The following RARB variants were observed in gnomAD, a reference collection of about 807,000 sequenced individuals.
RARB encodes the protein HBV-activated protein.
RARB carries 17 observed loss-of-function variants against 51.9 expected under a neutral mutation model. That is an observed-to-expected ratio of 0.33 (90% CI 0.22 to 0.49). The LOEUF (loss-of-function observed/expected upper bound fraction) is 0.49. Among genes scored for constraint, RARB ranks in the 20% least tolerant of loss-of-function variants. The probability of loss-of-function intolerance (pLI) is 0.99; values close to 1 mark genes in which losing one functional copy is unlikely to be tolerated. For synonymous variants in RARB, 215 were observed against 195.4 expected, an observed-to-expected ratio of 1.10 and a Z score of -0.84; for missense variants, 369 against 550.8, an observed-to-expected ratio of 0.67 and a Z score of 3.30.
chr3:25,372,611 C>A (rs1166144784), intron 5 of RARB, among the ~76,000 whole-genome samples: 1 of 152,120 alleles, frequency 6.6e-6, no homozygotes. Context: ...AGCTTTAGCC[C>A]AGGAGTCTGA....
At chr3:25,103,760 T>C (rs1011322160) in intron 3 of RARB, among the ~76,000 whole-genome samples, 1 of 152,252 alleles carries the variant, frequency 6.6e-6, no homozygotes, top group African/African-American at 2.4e-5. Context: ...TTAAACAGTA[T>C]TATGAATGGG....
intron 4 of RARB, among the ~76,000 whole-genome samples, chr3:25,572,302 T>A (rs1456687950): frequency 1.3e-5 from 2 of 152,198 alleles, no homozygotes; most frequent in African/African-American, 4.8e-5. Context: ...TTATTATCAT[T>A]GTAATCATTA....
chr3:25,280,732 CA>C (rs1703502208), intron 5 of RARB, among the ~76,000 whole-genome samples: 1 of 152,120 alleles, frequency 6.6e-6, no homozygotes, highest in Admixed American at 6.5e-5. Context: ...AGCATTTTTT[CA>C]CCTTCCGTTG....
chr3:24,975,011 G>C (rs1441857628), intron 2 of RARB, among the ~76,000 whole-genome samples: 1 of 152,086 alleles, frequency 6.6e-6, no homozygotes, highest in Non-Finnish European at 1.5e-5. Flanking sequence ...CTTGAAATGT[G>C]GCTAGTGTGA....
chr3:25,109,014 C>T (rs978189988), intron 3 of RARB, among the ~76,000 whole-genome samples: 7 of 152,262 alleles, frequency 4.6e-5, no homozygotes, highest in Admixed American at 4.6e-4. Flanking sequence ...TGCATTGCCA[C>T]ACACCAATGA....
At chr3:25,063,613 G>A (rs1020059805) in intron 3 of RARB, among the ~76,000 whole-genome samples, 22 of 151,916 alleles carry the variant, frequency 1.4e-4, no homozygotes, top group Admixed American at 1.4e-3. Context: ...ATCTATGCCG[G>A]TGGAATTTGA....
At chr3:24,890,694 A>G (rs1043754365) in intron 2 of RARB, among the ~76,000 whole-genome samples, 1 of 152,226 alleles carries the variant, frequency 6.6e-6, no homozygotes, top group African/African-American at 2.4e-5. Context: ...CTGAATAGAC[A>G]TATGGAATGG....
chr3:25,334,119 G>T (rs1704988177), intron 5 of RARB, among the ~76,000 whole-genome samples: 1 of 152,178 alleles, frequency 6.6e-6, no homozygotes, highest in African/African-American at 2.4e-5. Context: ...AGACAGTGTG[G>T]CGATTCCTCA....
Position 25,070,654 on chromosome 3 carries a change from C to G in RARB, c.-328+10478C>G, listed in dbSNP as rs115243703. Among the ~76,000 whole-genome samples the G allele has an allele frequency of 7.9e-3, 1,202 of 152,254 alleles. 16 individuals carry two copies. The highest frequency in any genetic ancestry group is 0.028 in the African/African-American group (1,154 of 41,536). ...ATTTATATAGCATAGGAATATTTGC[C>G]AGACACAATCCCTGAGTGCTTTACA... is the stretch of plus-strand genomic sequence containing the variant. On this transcript the variant is annotated intron_variant, in intron 3 of 11. Coordinates refer to the RARB transcript ENST00000383772.
intron 2 of RARB, among the ~76,000 whole-genome samples, chr3:24,898,116 C>T (rs561055941): frequency 6.6e-6 from 1 of 152,178 alleles, no homozygotes; most frequent in Admixed American, 6.5e-5. Context: ...AGTTAGGAGT[C>T]AAGCCCGGAG....
chr3:25,205,079 C>T (rs922385645), intron 5 of RARB, among the ~76,000 whole-genome samples: 5 of 152,152 alleles, frequency 3.3e-5, no homozygotes, highest in Non-Finnish European at 5.9e-5. Context: ...CTACCCGGTT[C>T]GAGCTTCCTG....
At chr3:24,993,303 A>G (rs969457194) in intron 2 of RARB, among the ~76,000 whole-genome samples, 3 of 152,158 alleles carry the variant, frequency 2.0e-5, no homozygotes, top group African/African-American at 7.2e-5. Flanking sequence ...CCAGAAGCAT[A>G]GTTTTAATTT....
intron 5 of RARB, among the ~76,000 whole-genome samples, chr3:25,260,592 C>T (rs952007364): frequency 1.3e-5 from 2 of 152,112 alleles, no homozygotes; most frequent in African/African-American, 4.8e-5. Flanking sequence ...TTATAAACTG[C>T]AACCCAACCC....
At chr3:24,836,844 T>G (rs765127022) in intron 1 of RARB, among the ~76,000 whole-genome samples, 3 of 152,236 alleles carry the variant, frequency 2.0e-5, no homozygotes, top group Non-Finnish European at 4.4e-5. Context: ...AGAATGTGAA[T>G]AACGGTAGTA....
chr3:25,122,773 C>G (rs868462148), intron 3 of RARB, among the ~76,000 whole-genome samples: 1 of 152,142 alleles, frequency 6.6e-6, no homozygotes, highest in East Asian at 1.9e-4. Flanking sequence ...TGGTGGACAT[C>G]TCAATCTCAG....
At chr3:25,194,423 G>T (rs1383982934) in intron 5 of RARB, among the ~76,000 whole-genome samples, 1 of 150,964 alleles carries the variant, frequency 6.6e-6, no homozygotes, top group Non-Finnish European at 1.5e-5. Flanking sequence ...GGAAGGTGAT[G>T]GATAGCATAA....
rs138656530 is a variant in RARB, at chr3:24,958,877, C to T, written c.-380+100125C>T. On this transcript the variant is annotated intron_variant, in intron 2 of 11. Transcript: ENST00000383772. ...ACGTGAAACAGGAAATTTTCCCTGA[C>T]TCCTTCATGGGCCTCATGACAGGAG... 5.9e-5 allele frequency among the ~76,000 whole-genome samples: 9 copies of T among 152,306 alleles called. No individual in the cohort carries two copies. The East Asian group carries it at 1.7e-3, about 29-fold the overall frequency.
intron 5 of RARB, among the ~76,000 whole-genome samples, chr3:25,347,918 C>A (rs962062613): frequency 6.6e-6 from 1 of 152,172 alleles, no homozygotes; most frequent in Non-Finnish European, 1.5e-5. Flanking sequence ...GAAGACTCTA[C>A]TCAGGAAAGT....
intron 2 of RARB, among the ~76,000 whole-genome samples, chr3:25,473,028 A>G (rs1462559494): frequency 6.6e-6 from 1 of 152,212 alleles, no homozygotes; most frequent in Non-Finnish European, 1.5e-5. Context: ...TGTTGTATCA[A>G]ATATGTGTCC....
Sources: gnomAD v4.1 joint callset for allele counts (sites outside exome capture counted in the v4.1 genomes callset) on GRCh38, gnomAD v4.1.1 for gene constraint, MANE v1.5 for transcripts, NCBI Gene and HGNC (gene_info 2026-07-23, HGNC 2026-07-21) for gene names.